LTBP3: variants seen among roughly 807,000 people sequenced by gnomAD.
LTBP3 encodes the protein latent-transforming growth factor beta-binding protein 3.
Under a neutral mutation model 159.7 loss-of-function variants are expected in LTBP3, and 97 were observed. That is an observed-to-expected ratio of 0.61 (90% confidence interval 0.52 to 0.72). The LOEUF (loss-of-function observed/expected upper bound fraction) is 0.72. Among genes scored for constraint, LTBP3 ranks in the 30% least tolerant of loss-of-function variants. The pLI, the probability that LTBP3 is intolerant of heterozygous loss-of-function variation, is 0.00. For synonymous variants in LTBP3, 824 were observed against 777.1 expected, an observed-to-expected ratio of 1.06 and a Z score of -1.00; for missense variants, 1,584 against 1,864.3, an observed-to-expected ratio of 0.85 and a Z score of 2.77.
In LTBP3 at chr11:65,553,981, C is replaced by T; in HGVS notation, c.661+70G>A. The T allele has an allele frequency of 6.4e-7, 1 of 1,573,592 alleles. No individual in the cohort carries two copies. Among genetic ancestry groups the T allele is most frequent in the Non-Finnish European group, 8.6e-7 (1 of 1,161,324 alleles). On this transcript the variant is annotated intron_variant, in intron 2 of 27. Transcript: ENST00000301873. This position sits in a 1 kb window ranked among gnomAD's most constrained non-coding sequence, Gnocchi z 6.5. Reference sequence around the variant, plus strand: ...CGCGCTGAGCTCCTCCAGGGCTGAACCTGCCCTGCCCTGGCCACCCTAGTG... The same window carrying T: ...CGCGCTGAGCTCCTCCAGGGCTGAATCTGCCCTGCCCTGGCCACCCTAGTG...
chr11:65,546,857 C>G lies in LTBP3; in HGVS notation c.2171G>C (p.Ser724Thr). ...PDGKCENKPGSFKCIACQPGY... is the reference protein window; with the variant it reads ...PDGKCENKPGTFKCIACQPGY... ...AGGCTGACAGGCGATGCACTTGAAGCTCCCGGGCTTGTTCTCGCATTTGCC... is the reference window on the plus strand; with the variant it reads ...AGGCTGACAGGCGATGCACTTGAAGGTCCCGGGCTTGTTCTCGCATTTGCC... Residue 724 changes from serine to threonine, a missense_variant, in exon 15 of 28, where the codon AGC (serine) becomes ACC (threonine). Physicochemically the swap from Ser to Thr is moderately conservative, Grantham distance 58 (BLOSUM62 1). Coordinates refer to ENST00000301873, the MANE Select transcript of LTBP3 (RefSeq NM_001130144.3). The surrounding 1 kb of genome is among the most constrained non-coding windows in gnomAD (Gnocchi z 4.0). 1 of 1,611,908 alleles carries G rather than the reference C, an allele frequency of 6.2e-7. No individual in the cohort carries two copies. The highest frequency in any genetic ancestry group is 8.5e-7 in the Non-Finnish European group (1 of 1,179,922).
chr11:65,542,400 T>TC (rs1856180506), intron 18 of LTBP3: 4 of 145,792 alleles, frequency 2.7e-5, no homozygotes, highest in Non-Finnish European at 5.9e-5. Flanking sequence ...TTTTTTTTTT[T>TC]TTTTTTGAGA....
chr11:65,557,018 CT>C lies in LTBP3; in HGVS notation c.331+610del, dbSNP rs567088109. 4.0e-4 allele frequency among the ~76,000 whole-genome samples: 61 copies of C among 152,122 alleles called. 2 individuals are homozygous for C. The South Asian group carries it at 6.6e-3, about 17-fold the overall frequency. On this transcript the variant is annotated intron_variant, in intron 1 of 27. Coordinates refer to ENST00000301873, the MANE Select transcript of LTBP3 (RefSeq NM_001130144.3). ...GGCCTCTGAGGCAGGATGTTAGGAG[CT>C]TATGGGGAGGCATTGGAAAAGGAGA... is the stretch of plus-strand genomic sequence containing the variant.
chr11:65,549,108 G>A (rs1474288847), intron 11 of LTBP3, among the ~76,000 whole-genome samples: 1 of 152,184 alleles, frequency 6.6e-6, no homozygotes, highest in Non-Finnish European at 1.5e-5. Flanking sequence ...AGGTTAAATG[G>A]TATTTAGAAC....
Position 65,551,168 on chromosome 11 carries a change from G to T in LTBP3, c.1678C>A (p.Pro560Thr). 6.4e-7 allele frequency: 1 copy of T among 1,553,724 alleles called. No homozygotes were observed. The change falls in exon 11 of 28, where the codon CCT becomes ACT. Residue 560 changes from proline (P) to threonine (T), a missense_variant. By Grantham distance (38) the Pro-to-Thr change is conservative. Around this residue, in one of 6 missense-constraint regions of LTBP3, gnomAD observed 565 missense variants for 677.7 expected, o/e 0.83. Coordinates refer to ENST00000301873, the MANE Select transcript of LTBP3 (RefSeq NM_001130144.3). ...GCGATCTCTACGGCGCTGCGGGAAGGAGGCAAGTCCGGCAGGAACCAGCGC... is the reference window on the plus strand; with the variant it reads ...GCGATCTCTACGGCGCTGCGGGAAGTAGGCAAGTCCGGCAGGAACCAGCGC... The part of the protein sequence containing the change: ...TMRWFLPDLP[P>T]SRSAVEIAPT...
At chr11:65,556,101 A>C (rs1232027031) in intron 1 of LTBP3, among the ~76,000 whole-genome samples, 1 of 152,170 alleles carries the variant, frequency 6.6e-6, no homozygotes, top group East Asian at 1.9e-4. Context: ...TGGGCAGCAC[A>C]GATGGAGACA....
chr11:65,540,738 G>GGGGCGGGGCCTACAGT, intron 21 of LTBP3, 124 bp from the exon 22 acceptor site: 1 of 940,708 alleles, frequency 1.1e-6, no homozygotes, highest in Non-Finnish European at 1.4e-6. Flanking sequence ...GGCCTACAGG[G>GGGGCGGGGCCTACAGT]CGGGGCCTGC....
chr11:65,541,918 C>T (rs574687455), intron 18 of LTBP3, 190 bp from the exon 19 acceptor site: 2 of 638,816 alleles, frequency 3.1e-6, no homozygotes, highest in African/African-American at 1.8e-5. Context: ...TTCATAACAC[C>T]TTCAGTGGCT....
intron 27 of LTBP3, 38 bp downstream of exon 27, chr11:65,539,290 G>A: frequency 4.6e-6 from 7 of 1,512,090 alleles, no homozygotes; most frequent in Non-Finnish European, 5.3e-6. Context: ...CCTCACCACC[G>A]GCCCCGCCCC....
At position 65,539,630 on chromosome 11, in the gene LTBP3, T is replaced by A; in HGVS notation, c.3548-2A>T. ...TCTGCGATGTCGGGCAATGGGACCC[T>A]GGGAGGAGCAGAACTGGTCAGCGAC... On this transcript the variant is annotated splice_acceptor_variant, in intron 25 of 27. Transcript: ENST00000301873. LOFTEE classifies it high-confidence loss of function. The A allele has an allele frequency of 6.2e-7, 1 of 1,609,318 alleles. No homozygotes were observed. The highest frequency in any genetic ancestry group is 8.5e-7 in the Non-Finnish European group (1 of 1,178,586).
intron 18 of LTBP3, 177 bp downstream of exon 18, chr11:65,542,912 GGAAGGATGGATGGATA>G (rs1256345303): frequency 3.2e-5 from 25 of 771,462 alleles, no homozygotes; most frequent in East Asian, 8.2e-5. Flanking sequence ...AAGGATGAAT[GGAAGGATGGATGGATA>G]GAAGGATGGA....
At position 65,553,062 on chromosome 11, in the gene LTBP3, G is replaced by C; in HGVS notation, c.1064-80C>G. 2 of 1,608,566 alleles carry C rather than the reference G, an allele frequency of 1.2e-6. No individual in the cohort carries two copies. The highest frequency in any genetic ancestry group is 3.3e-5 in the Admixed American group (2 of 59,970). ...GCTGCTCCAAGAACCTCAGGGTCTT[G>C]CCCCAGCCCCACCTCCTCTCTCGCC... On this transcript the variant is annotated intron_variant, in intron 5 of 27. Coordinates refer to ENST00000301873, the MANE Select transcript of LTBP3 (RefSeq NM_001130144.3). This position sits in a 1 kb window ranked among gnomAD's most constrained non-coding sequence, Gnocchi z 6.5.
rs1856358211 is a variant in LTBP3, at chr11:65,546,187, T to G, written c.2353+255A>C. On this transcript the variant is annotated intron_variant, in intron 16 of 27. Coordinates refer to ENST00000301873, the MANE Select transcript of LTBP3 (RefSeq NM_001130144.3). The surrounding 1 kb of genome is among the most constrained non-coding windows in gnomAD (Gnocchi z 4.0). ...GGAGTACTATCGTCTGCCCTCATTC[T>G]TTGATATCTTTTTTCCTTCAAATTT... 20 of 538,922 alleles carry G rather than the reference T, an allele frequency of 3.7e-5. No homozygotes were observed. The South Asian group carries it at 4.5e-4, about 12-fold the overall frequency. 33.4% of individuals were successfully genotyped at this position (538,922 alleles called of 1,614,324 possible). A position where few individuals can be genotyped will look rare whatever the true frequency, so the allele number is the denominator to read the frequency against.
At position 65,542,752 on chromosome 11, in the gene LTBP3, A is replaced by C. The variant is rs539733185; in HGVS notation, c.2596+353T>G. On this transcript the variant is annotated intron_variant, in intron 18 of 27. Transcript: ENST00000301873. ...ATGTGTATGGGTGAGTTGATGGGGAAGACCAATACATTAATATCTGTAAAG... is the reference window on the plus strand; with the variant it reads ...ATGTGTATGGGTGAGTTGATGGGGACGACCAATACATTAATATCTGTAAAG... 133 of 344,676 alleles carry C rather than the reference A, an allele frequency of 3.9e-4. 1 individual carries two copies. Among genetic ancestry groups the C allele is most frequent in the South Asian group, 2.8e-3 (126 of 44,330 alleles). 21.4% of individuals were successfully genotyped at this position (344,676 alleles called of 1,614,324 possible). A position where few individuals can be genotyped will look rare whatever the true frequency, so the allele number is the denominator to read the frequency against.
At chr11:65,540,975 T>G (rs1481793203) in intron 20 of LTBP3, 21 bp from the exon 21 acceptor site, 1 of 1,609,140 alleles carries the variant, frequency 6.2e-7, no homozygotes, top group Admixed American at 1.7e-5. Context: ...AGGGCGGCCG[T>G]GGGGAGGGAA....
chr11:65,542,113 T>C (rs1856161320), intron 18 of LTBP3: 1 of 307,512 alleles, frequency 3.3e-6, no homozygotes, highest in East Asian at 8.0e-5. Flanking sequence ...CAGATCTCTA[T>C]GCTTTGCAAT....
chr11:65,548,096 C>T, intron 11 of LTBP3, 51 bp from the exon 12 acceptor site: 1 of 1,612,278 alleles, frequency 6.2e-7, no homozygotes, highest in Middle Eastern at 1.9e-4. Context: ...TCACCTTCTG[C>T]CATATCCCCA....
intron 11 of LTBP3, among the ~76,000 whole-genome samples, chr11:65,550,089 T>C (rs1856546145): frequency 6.6e-6 from 1 of 151,498 alleles, no homozygotes; most frequent in South Asian, 2.1e-4. Flanking sequence ...ATAAGCAGAA[T>C]CTCCTATGTC....
chr11:65,547,500 G>C lies in LTBP3; in HGVS notation c.2046C>G (p.His682Gln), dbSNP rs750683353. The change falls in exon 14 of 28, where the codon CAC becomes CAG. Residue 682 changes from histidine (H) to glutamine (Q), a missense_variant. Coordinates refer to ENST00000301873, the MANE Select transcript of LTBP3 (RefSeq NM_001130144.3). The surrounding 1 kb of genome is among the most constrained non-coding windows in gnomAD (Gnocchi z 4.6). The part of the protein sequence containing the change: ...DGGFCINFPG[H>Q]YKCNCYPGYR... ...AGCCGGGGTAGCAGTTGCACTTGTA[G>C]TGACCGGGAAAGTTGATGCAGAAGC... The C allele has an allele frequency of 6.2e-7, 1 of 1,614,158 alleles. No individual in the cohort carries two copies. The highest frequency in any genetic ancestry group is 8.5e-7 in the Non-Finnish European group (1 of 1,180,012).
Sources: allele counts gnomAD v4.1 joint callset (sites outside exome capture counted in the v4.1 genomes callset), GRCh38; gene constraint gnomAD v4.1.1; regional missense constraint gnomAD v4.1.1; non-coding constraint Gnocchi (gnomAD v3.1); transcripts MANE v1.5; gene names NCBI Gene and HGNC (gene_info 2026-07-23, HGNC 2026-07-21).